The following DEPTOR variants were observed in gnomAD, a reference collection of about 807,000 sequenced individuals.
DEPTOR encodes DEP domain-containing mTOR-interacting protein.
In DEPTOR, 41 loss-of-function variants were observed where a neutral mutation model predicts 41.6. That is an observed-to-expected ratio of 0.98 (90% CI 0.77 to 1.28). DEPTOR has a LOEUF of 1.28. Among genes scored for constraint, DEPTOR ranks in the 50% most tolerant of loss-of-function variants. The probability of loss-of-function intolerance (pLI) is 0.00; values close to 1 mark genes in which losing one functional copy is unlikely to be tolerated. For missense variants in DEPTOR, 514 were observed against 527.9 expected, an observed-to-expected ratio of 0.97 and a Z score of 0.26; for synonymous variants, 195 against 192.3, an observed-to-expected ratio of 1.01 and a Z score of -0.12.
chr8:119,928,692 C>A, intron 2 of DEPTOR, 114 bp downstream of exon 2: 6 of 1,124,716 alleles, frequency 5.3e-6, no homozygotes, highest in Non-Finnish European at 6.0e-6. Flanking sequence ...TCCAGTGTAC[C>A]TCTCCCTGAT....
At chr8:119,914,459 A>G (rs564586420) in intron 1 of DEPTOR, among the ~76,000 whole-genome samples, 1 of 138,308 alleles carries the variant, frequency 7.2e-6, no homozygotes, top group South Asian at 2.3e-4. Context: ...TTCTTTTTTG[A>G]GATGAAGTTT....
chr8:119,978,127 C>G (rs1171900584), intron 4 of DEPTOR, among the ~76,000 whole-genome samples: 1 of 152,142 alleles, frequency 6.6e-6, no homozygotes, highest in South Asian at 2.1e-4. Flanking sequence ...CAGCTCGTCA[C>G]CCAGTGTCCC....
intron 1 of DEPTOR, among the ~76,000 whole-genome samples, chr8:119,899,156 T>C (rs1248054249): frequency 6.6e-6 from 1 of 152,148 alleles, no homozygotes; most frequent in Non-Finnish European, 1.5e-5. Flanking sequence ...TGTAATAGAG[T>C]GATTTATTCA....
At chr8:119,971,360 T>C (rs1009828847) in intron 4 of DEPTOR, among the ~76,000 whole-genome samples, 7 of 152,074 alleles carry the variant, frequency 4.6e-5, no homozygotes, top group African/African-American at 1.4e-4. Flanking sequence ...AATATTCCAA[T>C]GGGGTACAGA....
At chr8:119,917,097 C>T (rs1724006670) in intron 1 of DEPTOR, among the ~76,000 whole-genome samples, 1 of 152,184 alleles carries the variant, frequency 6.6e-6, no homozygotes. Flanking sequence ...TGTACAGTGA[C>T]TCCGGCAAGA....
intron 4 of DEPTOR, among the ~76,000 whole-genome samples, chr8:119,998,939 A>G (rs929528067): frequency 2.5e-5 from 3 of 118,232 alleles, no homozygotes; most frequent in African/African-American, 9.5e-5. Context: ...TCCCTCATCA[A>G]AAATAGGAAA....
In DEPTOR at chr8:119,933,869, C is replaced by T. The variant is rs1032569093; in HGVS notation, c.425+3931C>T. 1.3e-5 allele frequency among the ~76,000 whole-genome samples: 2 copies of T among 151,902 alleles called. 1 individual carries two copies. Among genetic ancestry groups the T allele is most frequent in the South Asian group, 4.2e-4 (2 of 4,818 alleles). ...TGAACCATGTTGATTTTTGGGAACC[C>T]TGGCTTTCTTTTTTATTTTTATTTT... On this transcript the variant is annotated intron_variant, in intron 3 of 8. Transcript: ENST00000286234.
At chr8:119,971,491 G>A (rs1828633489) in intron 4 of DEPTOR, among the ~76,000 whole-genome samples, 1 of 152,146 alleles carries the variant, frequency 6.6e-6, no homozygotes. Flanking sequence ...GGTCAGCAGA[G>A]CAGACCTGGC....
At chr8:120,009,527 C>T (rs1158254126) in intron 8 of DEPTOR, among the ~76,000 whole-genome samples, 6 of 152,196 alleles carry the variant, frequency 3.9e-5, no homozygotes, top group Non-Finnish European at 7.4e-5. Flanking sequence ...GCAGGAGAAT[C>T]GCTTGAACCC....
At chr8:119,949,352 G>A (rs1335265559) in intron 3 of DEPTOR, among the ~76,000 whole-genome samples, 4 of 152,184 alleles carry the variant, frequency 2.6e-5, no homozygotes, top group Non-Finnish European at 5.9e-5. Context: ...AAGGTTTTCT[G>A]TGGATATATG....
At chr8:119,917,963 T>C (rs1827836052) in intron 1 of DEPTOR, among the ~76,000 whole-genome samples, 1 of 152,230 alleles carries the variant, frequency 6.6e-6, no homozygotes, top group African/African-American at 2.4e-5. Context: ...GCACAGCACT[T>C]AATTCTTTAC....
Position 119,967,365 on chromosome 8 carries a change from C to T in DEPTOR, c.604+1955C>T, listed in dbSNP as rs1013079949. 4.6e-5 allele frequency among the ~76,000 whole-genome samples: 7 copies of T among 151,448 alleles called. No individual in the cohort carries two copies. The Admixed American group carries it at 4.6e-4, about 10-fold the overall frequency. ...AAAGTGCTGGGATTACAAGTGTGAG[C>T]CACCATGCCCGGCTTGGAATGGGAG... On this transcript the variant is annotated intron_variant, in intron 4 of 8. Coordinates refer to ENST00000286234, the MANE Select transcript of DEPTOR (RefSeq NM_022783.4).
At chr8:119,945,932 G>A (rs1828266041) in intron 3 of DEPTOR, among the ~76,000 whole-genome samples, 1 of 152,204 alleles carries the variant, frequency 6.6e-6, no homozygotes, top group Admixed American at 6.6e-5. Flanking sequence ...GATACCAGTG[G>A]AAGGCATGGC....
intron 4 of DEPTOR, among the ~76,000 whole-genome samples, chr8:119,965,686 G>A (rs557365119): frequency 1.3e-5 from 2 of 152,254 alleles, no homozygotes; most frequent in East Asian, 3.9e-4. Flanking sequence ...TTCTTATAGC[G>A]CTTCCAAAAG....
chr8:120,026,770 ATAG>A (rs375959969), intron 8 of DEPTOR, among the ~76,000 whole-genome samples: 1 of 152,324 alleles, frequency 6.6e-6, no homozygotes, highest in Non-Finnish European at 1.5e-5. Flanking sequence ...GTTGTATGAA[ATAG>A]ACTCACTTCA....
At chr8:119,926,574 C>T (rs148463804) in intron 1 of DEPTOR, among the ~76,000 whole-genome samples, 1 of 152,284 alleles carries the variant, frequency 6.6e-6, no homozygotes, top group East Asian at 1.9e-4. Context: ...CAATGGTTTG[C>T]TGTTTATCTG....
At chr8:120,018,892 C>T (rs181279848) in intron 8 of DEPTOR, among the ~76,000 whole-genome samples, 251 of 152,298 alleles carry the variant, frequency 1.6e-3, no homozygotes, top group Non-Finnish European at 2.8e-3. Flanking sequence ...AGTAATACAG[C>T]GATAACAGTG....
rs181022183 is a variant in DEPTOR at position 119,933,734 on chromosome 8, G to T, written c.425+3796G>T. ...GGGCTGCTGCTGTCTCAGCAGCTCT[G>T]AGGGGGTGGGCGTATTGTCAGTATT... On this transcript the variant is annotated intron_variant, in intron 3 of 8. Coordinates refer to ENST00000286234, the MANE Select transcript of DEPTOR (RefSeq NM_022783.4). 3.3e-3 allele frequency among the ~76,000 whole-genome samples: 495 copies of T among 152,168 alleles called. 4 individuals carry two copies. The highest frequency in any genetic ancestry group is 6.0e-3 in the Non-Finnish European group (406 of 68,016).
At chr8:120,045,609 G>A (rs1813143036) in intron 8 of DEPTOR, among the ~76,000 whole-genome samples, 3 of 152,202 alleles carry the variant, frequency 2.0e-5, no homozygotes, top group Admixed American at 2.0e-4. Context: ...TCCTGAGCTC[G>A]AGTGATCCGC....
Sources: allele counts gnomAD v4.1 joint callset (sites outside exome capture counted in the v4.1 genomes callset), GRCh38; gene constraint gnomAD v4.1.1; transcripts MANE v1.5; gene names NCBI Gene and HGNC (gene_info 2026-07-23, HGNC 2026-07-21).